DCHS2: variants seen among roughly 807,000 people sequenced by gnomAD.
DCHS2 encodes protocadherin-23.
Under a neutral mutation model 182.4 loss-of-function variants are expected in DCHS2, and 142 were observed. The observed-to-expected ratio is 0.78, with a 90% confidence interval of 0.68 to 0.89. The LOEUF is 0.89. Among genes scored for constraint, DCHS2 ranks in the 40% least tolerant of loss-of-function variants. DCHS2 has a pLI of 0.00. For missense variants in DCHS2, 4,319 were observed against 4,198.6 expected, an observed-to-expected ratio of 1.03 and a Z score of -0.79; for synonymous variants, 1,740 against 1,663.3, an observed-to-expected ratio of 1.05 and a Z score of -1.12.
intron 1 of DCHS2, among the ~76,000 whole-genome samples, chr4:154,417,700 C>T (rs1358806282): frequency 1.3e-5 from 2 of 152,076 alleles, no homozygotes; most frequent in Admixed American, 6.5e-5. Context: ...CTAACATGGC[C>T]AGGGGGAAAA....
rs1319919718 is a variant in DCHS2, at chr4:154,231,960, T to C, written c.*2576A>G. The C allele has an allele frequency of 1.3e-5, 2 of 152,096 alleles. No individual in the cohort carries two copies. The highest frequency in any genetic ancestry group is 4.8e-5 in the African/African-American group (2 of 41,412). The allele number at this position is 152,096 out of a possible 1,614,324, so 9.4% of individuals were successfully genotyped here. On this transcript the variant is annotated 3_prime_UTR_variant, in exon 20 of 20. Transcript: ENST00000357232. ...ACTACTAGGACATGGAATTTTGATA[T>C]CCATTTGGTACTGATTTACACCAGT...
intron 1 of DCHS2, among the ~76,000 whole-genome samples, chr4:154,413,496 T>C (rs1362404249): frequency 6.6e-6 from 1 of 152,234 alleles, no homozygotes; most frequent in African/African-American, 2.4e-5. Flanking sequence ...CTCATTTCTC[T>C]CTGATGCTGG....
intron 15 of DCHS2, among the ~76,000 whole-genome samples, chr4:154,256,225 C>G (rs1365528804): frequency 6.6e-6 from 1 of 152,148 alleles, no homozygotes; most frequent in Non-Finnish European, 1.5e-5. Flanking sequence ...TGGTTCACTG[C>G]AGCCTCAGCC....
At chr4:154,293,155 G>A (rs993536293) in intron 13 of DCHS2, among the ~76,000 whole-genome samples, 1 of 151,912 alleles carries the variant, frequency 6.6e-6, no homozygotes, top group Non-Finnish European at 1.5e-5. Flanking sequence ...TACCTTCAAC[G>A]ATTACCATTT....
intron 14 of DCHS2, among the ~76,000 whole-genome samples, chr4:154,266,070 T>C (rs1733240928): frequency 6.6e-6 from 1 of 152,212 alleles, no homozygotes; most frequent in South Asian, 2.1e-4. Flanking sequence ...CAAAATATCG[T>C]ATTGTACTGT....
intron 1 of DCHS2, among the ~76,000 whole-genome samples, chr4:154,437,664 C>CA (rs1211406996): frequency 6.6e-6 from 1 of 152,134 alleles, no homozygotes; most frequent in Non-Finnish European, 1.5e-5. Context: ...TTTTGAGTAA[C>CA]ATATTCGTTG....
At chr4:154,337,434 A>G (rs753487795) in intron 3 of DCHS2, among the ~76,000 whole-genome samples, 2 of 152,182 alleles carry the variant, frequency 1.3e-5, no homozygotes, top group African/African-American at 2.4e-5. Flanking sequence ...TATTTGTGTT[A>G]GACCAGTCTT....
chr4:154,402,141 G>A (rs1313260549), intron 1 of DCHS2, among the ~76,000 whole-genome samples: 1 of 152,084 alleles, frequency 6.6e-6, no homozygotes, highest in Non-Finnish European at 1.5e-5. Context: ...ATGATTTATT[G>A]AAAAGACTTT....
In DCHS2 at chr4:154,328,201, A is replaced by G; in HGVS notation, c.3919-9T>C. Reference sequence around the variant, plus strand: ...GGTTGACCTTCCAGAACCTGCCATTAAAACAAACAGCTTACAAATGAGTCA... The same window carrying G: ...GGTTGACCTTCCAGAACCTGCCATTGAAACAAACAGCTTACAAATGAGTCA... On this transcript the variant is annotated splice_polypyrimidine_tract_variant and intron_variant, in intron 6 of 19. Coordinates refer to ENST00000357232, the MANE Select transcript of DCHS2 (RefSeq NM_001358235.2). 1 of 1,600,032 alleles carries G rather than the reference A, an allele frequency of 6.2e-7. No homozygotes were observed. The highest frequency in any genetic ancestry group is 8.5e-7 in the Non-Finnish European group (1 of 1,173,684).
In DCHS2 at chr4:154,232,088, A is replaced by G. The variant is rs892255653; in HGVS notation, c.*2448T>C. 2.6e-5 allele frequency: 4 copies of G among 152,144 alleles called. No homozygotes were observed. The highest frequency in any genetic ancestry group is 9.6e-5 in the African/African-American group (4 of 41,466). The allele number at this position is 152,144 out of a possible 1,614,324, so 9.4% of individuals were successfully genotyped here. On this transcript the variant is annotated 3_prime_UTR_variant, in exon 20 of 20. Transcript: ENST00000357232. The stretch of plus-strand genomic sequence containing the variant: ...TTTATAGCTTATGAATTTGGGGCTT[A>G]ATATGATTTTCCACTAACAAGTTCT...
chr4:154,491,422 C>A lies in DCHS2; in HGVS notation c.-67G>T. ...GCTTGTGGCAGGATCGCAGAAAAAT[C>A]CAGGAGCCTCTTCAGTGTCTGAGCC... is the stretch of plus-strand genomic sequence containing the variant. On this transcript the variant is annotated 5_prime_UTR_variant, in exon 1 of 20. Transcript: ENST00000357232. 2 of 1,443,160 alleles carry A rather than the reference C, an allele frequency of 1.4e-6. No individual in the cohort carries two copies. Among genetic ancestry groups the A allele is most frequent in the Non-Finnish European group, 1.8e-6 (2 of 1,099,312 alleles). 89.4% of individuals were successfully genotyped at this position (1,443,160 alleles called of 1,614,324 possible).
chr4:154,278,232 C>A (rs992335803), intron 13 of DCHS2, among the ~76,000 whole-genome samples: 3 of 151,760 alleles, frequency 2.0e-5, no homozygotes. Flanking sequence ...AAAAATTCAC[C>A]AGAGGGATTT....
At chr4:154,393,534 C>T (rs1731798672) in intron 1 of DCHS2, among the ~76,000 whole-genome samples, 1 of 152,138 alleles carries the variant, frequency 6.6e-6, no homozygotes, top group African/African-American at 2.4e-5. Context: ...TTCAACATCC[C>T]AATGTCATAA....
intron 14 of DCHS2, among the ~76,000 whole-genome samples, chr4:154,266,357 T>C (rs553405611): frequency 6.6e-6 from 1 of 152,224 alleles, no homozygotes; most frequent in South Asian, 2.1e-4. Context: ...TTGTTTGTTT[T>C]TCCAAAACCT....
At chr4:154,430,747 C>A (rs1733526916) in intron 1 of DCHS2, among the ~76,000 whole-genome samples, 1 of 152,210 alleles carries the variant, frequency 6.6e-6, no homozygotes, top group South Asian at 2.1e-4. Flanking sequence ...TCAGGATCAT[C>A]TAGTACATTG....
chr4:154,235,775 G>A lies in DCHS2; in HGVS notation c.8877C>T (p.Ile2959=), dbSNP rs771214038. 5.0e-6 allele frequency: 8 copies of A among 1,613,746 alleles called. No homozygotes were observed. Among genetic ancestry groups the A allele is most frequent in the African/African-American group, 2.7e-5 (2 of 74,890 alleles). Residue 2959 remains isoleucine (I), a synonymous_variant, in exon 20 of 20, where the codon ATC becomes ATT. Transcript: ENST00000357232. ...TGGAATCTGATTTGGGACTATGAGC[G>A]ATTATTTTCATTTCCAAGGTGTCTT... The part of the protein sequence containing the change: ...NKEDTLEMKI[I]AHSPKSDSKF...
At chr4:154,262,596 T>C (rs1733041623) in intron 14 of DCHS2, among the ~76,000 whole-genome samples, 2 of 152,206 alleles carry the variant, frequency 1.3e-5, no homozygotes, top group South Asian at 4.1e-4. Flanking sequence ...TTATGTAGCT[T>C]TTGACAAAGT....
At chr4:154,461,456 A>C (rs754965722) in intron 1 of DCHS2, among the ~76,000 whole-genome samples, 7 of 152,184 alleles carry the variant, frequency 4.6e-5, no homozygotes, top group Non-Finnish European at 8.8e-5. Context: ...TGGGAAATTT[A>C]TATTTATCTA....
At chr4:154,346,294 C>A (rs1250466606) in intron 3 of DCHS2, among the ~76,000 whole-genome samples, 2 of 152,164 alleles carry the variant, frequency 1.3e-5, no homozygotes, top group African/African-American at 2.4e-5. Flanking sequence ...ATAGTGTGTG[C>A]TACCAAAGCA....
Sources: allele counts gnomAD v4.1 joint callset (sites outside exome capture counted in the v4.1 genomes callset), GRCh38; gene constraint gnomAD v4.1.1; transcripts MANE v1.5; gene names NCBI Gene and HGNC (gene_info 2026-07-23, HGNC 2026-07-21).